The following LAMA2 variants were observed in gnomAD, a reference collection of about 807,000 sequenced individuals.
LAMA2 encodes the protein laminin subunit alpha 2.
LAMA2 carries 269 observed loss-of-function variants against 364.8 expected under a neutral mutation model. The observed-to-expected ratio is 0.74, with a 90% CI of 0.67 to 0.82. The LOEUF is 0.82. Among genes scored for constraint, LAMA2 ranks in the 40% least tolerant of loss-of-function variants. LAMA2 has a pLI of 0.00. For missense variants in LAMA2, 3,807 were observed against 3,873.2 expected (o/e 0.98, Z 0.45); for synonymous variants, 1,379 against 1,370.6 (o/e 1.01, Z -0.14).
chr6:128,917,358 G>A (rs1038805489), intron 1 of LAMA2, among the ~76,000 whole-genome samples: 1 of 152,176 alleles, frequency 6.6e-6, no homozygotes, highest in South Asian at 2.1e-4. Context: ...CTATTTAAAA[G>A]TGTATTCTGC....
intron 12 of LAMA2, among the ~76,000 whole-genome samples, chr6:129,221,454 A>G (rs1562346956): frequency 6.6e-6 from 1 of 151,964 alleles, no homozygotes; most frequent in Non-Finnish European, 1.5e-5. Context: ...ACAGAGAAAC[A>G]TATACAGCTA....
At chr6:129,489,924 A>C (rs1216772249) in intron 56 of LAMA2, among the ~76,000 whole-genome samples, 1 of 88,916 alleles carries the variant, frequency 1.1e-5, no homozygotes, top group Admixed American at 1.2e-4. Flanking sequence ...CAGCCACTGA[A>C]ACTGTAAAAA....
rs202098959 is a variant in LAMA2 at position 129,435,001 on chromosome 6, CA to C, written c.5969-3635del. On this transcript the variant is annotated intron_variant, in intron 41 of 64. Coordinates refer to ENST00000421865, the MANE Select transcript of LAMA2 (RefSeq NM_000426.4). Reference sequence around the variant, plus strand: ...ATATACACATTGTAACTTGCTAGTACAAAAAAAAAATGCAGAGAATCAAAAT... The same window carrying C: ...ATATACACATTGTAACTTGCTAGTACAAAAAAAAATGCAGAGAATCAAAAT... 4.6e-3 allele frequency among the ~76,000 whole-genome samples: 664 copies of C among 145,420 alleles called. 4 individuals carry two copies. Among genetic ancestry groups the C allele is most frequent in the African/African-American group, 0.014 (544 of 39,746 alleles).
At chr6:129,301,349 T>A (rs1364583255) in intron 22 of LAMA2, among the ~76,000 whole-genome samples, 1 of 152,138 alleles carries the variant, frequency 6.6e-6, no homozygotes, top group East Asian at 1.9e-4. Flanking sequence ...CCATAGAAAT[T>A]GACATGGCCA....
At chr6:129,422,228 T>G (rs1317381523) in intron 40 of LAMA2, among the ~76,000 whole-genome samples, 1 of 152,010 alleles carries the variant, frequency 6.6e-6, no homozygotes, top group Non-Finnish European at 1.5e-5. Context: ...TCTCCTTTCA[T>G]CTGAGCAAGG....
intron 41 of LAMA2, among the ~76,000 whole-genome samples, chr6:129,435,575 T>C (rs1431064989): frequency 1.3e-5 from 2 of 152,214 alleles, no homozygotes; most frequent in African/African-American, 4.8e-5. Flanking sequence ...ATTGATGTTT[T>C]AGAGCCGTGC....
rs181329803 is a variant in LAMA2, at chr6:129,292,291, A to T, written c.2856+571A>T. Among the ~76,000 whole-genome samples the T allele has an allele frequency of 9.8e-4, 149 of 152,304 alleles. 1 individual carries two copies. The South Asian group carries it at 0.017, about 18-fold the overall frequency. ...AACCTGGGTGGCAGAGGTTGCAGTGAGCCGAGATAGTGCCACTGCACTCCA... is the reference window on the plus strand; with the variant it reads ...AACCTGGGTGGCAGAGGTTGCAGTGTGCCGAGATAGTGCCACTGCACTCCA... On this transcript the variant is annotated intron_variant, in intron 20 of 64. Transcript: ENST00000421865.
chr6:128,950,010 C>T (rs1272849078), intron 1 of LAMA2, among the ~76,000 whole-genome samples: 1 of 152,068 alleles, frequency 6.6e-6, no homozygotes, highest in East Asian at 1.9e-4. Context: ...TGATTCTAAA[C>T]AAATATATGT....
At chr6:128,983,198 A>G (rs1351909816) in intron 1 of LAMA2, among the ~76,000 whole-genome samples, 1 of 152,110 alleles carries the variant, frequency 6.6e-6, no homozygotes, top group East Asian at 1.9e-4. Flanking sequence ...ACTGACTTCC[A>G]CAATGGTTGA....
Position 128,998,314 on chromosome 6 carries a change from T to C in LAMA2, c.113-51604T>C, listed in dbSNP as rs914537005. ...GAAGTAGCATCAAAGAGGAGCAAAG[T>C]TGATGCACAACCTATCTCTAGATCT... is the stretch of plus-strand genomic sequence containing the variant. On this transcript the variant is annotated intron_variant, in intron 1 of 64. Transcript: ENST00000421865. Among the ~76,000 whole-genome samples the C allele has an allele frequency of 7.9e-5, 12 of 152,196 alleles. 1 individual carries two copies. The highest frequency in any genetic ancestry group is 3.8e-4 in the East Asian group (2 of 5,196).
chr6:129,354,791 C>T (rs1268014136), intron 32 of LAMA2, among the ~76,000 whole-genome samples: 1 of 152,168 alleles, frequency 6.6e-6, no homozygotes, highest in East Asian at 1.9e-4. Flanking sequence ...TTCTGCCCAT[C>T]AACAACAATG....
chr6:128,964,952 A>T (rs1363340159), intron 1 of LAMA2, among the ~76,000 whole-genome samples: 1 of 152,014 alleles, frequency 6.6e-6, no homozygotes, highest in Non-Finnish European at 1.5e-5. Context: ...TGGCAAGAAC[A>T]ATCTATCATA....
At chr6:129,434,223 T>C (rs1444628050) in intron 41 of LAMA2, among the ~76,000 whole-genome samples, 1 of 152,214 alleles carries the variant, frequency 6.6e-6, no homozygotes, top group Non-Finnish European at 1.5e-5. Flanking sequence ...TGGATATATC[T>C]ATCTTGTGCC....
At chr6:129,060,162 TTAA>T (rs747350413) in intron 3 of LAMA2, among the ~76,000 whole-genome samples, 25 of 152,334 alleles carry the variant, frequency 1.6e-4, no homozygotes, top group African/African-American at 3.1e-4. Flanking sequence ...CTAGCTGGAC[TTAA>T]TGATGAAAAT....
chr6:129,110,722 T>G (rs1179748046), intron 4 of LAMA2, among the ~76,000 whole-genome samples: 1 of 152,020 alleles, frequency 6.6e-6, no homozygotes. Flanking sequence ...TAATCTCTGG[T>G]CCAGGTCCAG....
chr6:129,113,220 AGT>A (rs1439470553), intron 4 of LAMA2, among the ~76,000 whole-genome samples: 1 of 152,018 alleles, frequency 6.6e-6, no homozygotes, highest in Non-Finnish European at 1.5e-5. Flanking sequence ...CTAGAATTGC[AGT>A]GTGTTAGCCC....
chr6:129,342,234 A>C lies in LAMA2; in HGVS notation c.4312-109A>C, dbSNP rs1001922956. 72 of 884,388 alleles carry C rather than the reference A, an allele frequency of 8.1e-5. No homozygotes were observed. In the African/African-American group the frequency reaches 1.0e-3, roughly 13 times the overall value. The allele number at this position is 884,388 out of a possible 1,614,324, so 54.8% of individuals were successfully genotyped here. ...GTGTGTGTGAGTGTGTGTGTGTAAGAAAGTATATGTGTTCATAGACACACA... is the reference window on the plus strand; with the variant it reads ...GTGTGTGTGAGTGTGTGTGTGTAAGCAAGTATATGTGTTCATAGACACACA... On this transcript the variant is annotated intron_variant, in intron 29 of 64. Transcript: ENST00000421865.
intron 32 of LAMA2, among the ~76,000 whole-genome samples, chr6:129,363,245 A>G (rs1006969653): frequency 6.6e-6 from 1 of 152,194 alleles, no homozygotes; most frequent in African/African-American, 2.4e-5. Flanking sequence ...TTGAGGCCGC[A>G]GTGAGTCATG....
chr6:129,418,120 C>G (rs1780893934), intron 40 of LAMA2, among the ~76,000 whole-genome samples: 4 of 152,148 alleles, frequency 2.6e-5, no homozygotes, highest in Admixed American at 2.6e-4. Context: ...CCCTCTTGCT[C>G]TCAGAAGAGT....
Sources: allele counts gnomAD v4.1 joint callset (sites outside exome capture counted in the v4.1 genomes callset), GRCh38; gene constraint gnomAD v4.1.1; transcripts MANE v1.5; gene names NCBI Gene and HGNC (gene_info 2026-07-23, HGNC 2026-07-21).